The following SIAH3 variants were observed in gnomAD, a reference collection of about 807,000 sequenced individuals.
SIAH3 encodes the protein siah E3 ubiquitin protein ligase family member 3.
In SIAH3, 9 loss-of-function variants were observed where a neutral mutation model predicts 12.6. The ratio of observed to expected loss-of-function variants is 0.72; its 90% CI spans 0.43 to 1.25. The LOEUF is 1.25. Ranked by LOEUF, SIAH3 falls within the 50% of genes most tolerant of loss-of-function variation. The probability of loss-of-function intolerance (pLI) is 0.00; values close to 1 mark genes in which losing one functional copy is unlikely to be tolerated. For synonymous variants in SIAH3, 154 were observed against 151.1 expected, an observed-to-expected ratio of 1.02 and a Z score of -0.14; for missense variants, 390 against 365.4, an observed-to-expected ratio of 1.07 and a Z score of -0.55.
chr13:45,794,978 G>A (rs965667719), intron 1 of SIAH3, among the ~76,000 whole-genome samples: 1 of 147,962 alleles, frequency 6.8e-6, no homozygotes, highest in Non-Finnish European at 1.5e-5. Flanking sequence ...ATCTTGCCAA[G>A]TAAGTTTCTA....
intron 1 of SIAH3, among the ~76,000 whole-genome samples, chr13:45,825,225 T>C (rs886535667): frequency 6.6e-6 from 1 of 152,204 alleles, no homozygotes; most frequent in Non-Finnish European, 1.5e-5. Flanking sequence ...TAATAATTCC[T>C]GGGCGTTTTG....
At chr13:45,790,602 G>T (rs1463529011) in intron 1 of SIAH3, among the ~76,000 whole-genome samples, 3 of 152,320 alleles carry the variant, frequency 2.0e-5, no homozygotes, top group South Asian at 2.1e-4. Flanking sequence ...GGGACTAATT[G>T]TTCGTGTGTC....
At chr13:45,790,435 C>T (rs1286499183) in intron 1 of SIAH3, among the ~76,000 whole-genome samples, 10 of 152,120 alleles carry the variant, frequency 6.6e-5, no homozygotes, top group Admixed American at 6.6e-4. Context: ...AACATATTTG[C>T]CAGCCACAAG....
At chr13:45,784,811 G>A (rs191672941) in intron 1 of SIAH3, among the ~76,000 whole-genome samples, 78 of 152,216 alleles carry the variant, frequency 5.1e-4, no homozygotes, top group African/African-American at 1.8e-3. Flanking sequence ...GCCCACAAGT[G>A]CCCCCCAAAA....
intron 1 of SIAH3, among the ~76,000 whole-genome samples, chr13:45,810,561 G>A (rs1427813383): frequency 1.3e-5 from 2 of 152,154 alleles, no homozygotes; most frequent in Non-Finnish European, 2.9e-5. Context: ...CATGTAGACT[G>A]GAATTTTGTC....
At chr13:45,840,701 C>T (rs1158077892) in intron 1 of SIAH3, among the ~76,000 whole-genome samples, 1 of 152,176 alleles carries the variant, frequency 6.6e-6, no homozygotes, top group African/African-American at 2.4e-5. Flanking sequence ...TTTATACACA[C>T]AGAATGAATA....
chr13:45,842,922 C>G (rs1566098495), intron 1 of SIAH3, among the ~76,000 whole-genome samples: 1 of 152,088 alleles, frequency 6.6e-6, no homozygotes, highest in Admixed American at 6.5e-5. Context: ...GTGCTGGGGA[C>G]CAGTATTCCG....
intron 1 of SIAH3, among the ~76,000 whole-genome samples, chr13:45,827,342 G>A (rs1054232410): frequency 6.6e-6 from 1 of 152,216 alleles, no homozygotes; most frequent in Non-Finnish European, 1.5e-5. Context: ...GAGAAGAGGA[G>A]ACAGGCCAAT....
chr13:45,795,043 A>G (rs2137554092), intron 1 of SIAH3, among the ~76,000 whole-genome samples: 1 of 150,732 alleles, frequency 6.6e-6, no homozygotes, highest in East Asian at 1.9e-4. Context: ...ACTTATTTTG[A>G]TCTTTCCATA....
intron 1 of SIAH3, among the ~76,000 whole-genome samples, chr13:45,823,419 T>A (rs956748601): frequency 2.6e-5 from 4 of 152,228 alleles, no homozygotes; most frequent in Admixed American, 2.0e-4. Flanking sequence ...GCAAGGCAAG[T>A]CTGCCCTATT....
intron 1 of SIAH3, among the ~76,000 whole-genome samples, chr13:45,785,750 T>C (rs1034789866): frequency 6.6e-6 from 1 of 152,122 alleles, no homozygotes; most frequent in African/African-American, 2.4e-5. Flanking sequence ...CAGGGGCTCT[T>C]CCAGTAGCGC....
intron 1 of SIAH3, among the ~76,000 whole-genome samples, chr13:45,815,754 G>A (rs1411026561): frequency 6.6e-6 from 1 of 152,098 alleles, no homozygotes; most frequent in Non-Finnish European, 1.5e-5. Context: ...AGGAAAATGC[G>A]AAACAAAACA....
At chr13:45,810,709 T>C (rs775700921) in intron 1 of SIAH3, among the ~76,000 whole-genome samples, 32 of 152,180 alleles carry the variant, frequency 2.1e-4, no homozygotes, top group Non-Finnish European at 3.8e-4. Context: ...TTTGAAGAAA[T>C]TCTACTGCTA....
At chr13:45,840,368 T>G (rs534125114) in intron 1 of SIAH3, among the ~76,000 whole-genome samples, 2 of 152,360 alleles carry the variant, frequency 1.3e-5, no homozygotes, top group African/African-American at 2.4e-5. Context: ...AAACTGGAAA[T>G]AGACTAATGA....
intron 1 of SIAH3, among the ~76,000 whole-genome samples, chr13:45,816,175 C>G (rs1051053852): frequency 1.3e-5 from 2 of 152,254 alleles, no homozygotes; most frequent in African/African-American, 4.8e-5. Flanking sequence ...CCTGAAGGAG[C>G]TGACGTCAAA....
chr13:45,841,912 C>T (rs905471753), intron 1 of SIAH3, among the ~76,000 whole-genome samples: 5 of 152,176 alleles, frequency 3.3e-5, no homozygotes, highest in African/African-American at 2.4e-5. Flanking sequence ...GAGAACAAGA[C>T]CCCTCTGGGA....
At chr13:45,828,484 T>C (rs1950686792) in intron 1 of SIAH3, among the ~76,000 whole-genome samples, 1 of 152,180 alleles carries the variant, frequency 6.6e-6, no homozygotes, top group African/African-American at 2.4e-5. Context: ...GAAGTTGCAT[T>C]TTGGGAACAG....
chr13:45,809,804 A>G (rs1423144443), intron 1 of SIAH3, among the ~76,000 whole-genome samples: 2 of 152,228 alleles, frequency 1.3e-5, no homozygotes, highest in African/African-American at 2.4e-5. Context: ...GTGGCTTTCC[A>G]TATTTTACAG....
At position 45,797,156 on chromosome 13, in the gene SIAH3, T is replaced by C. The variant is rs1950565791; in HGVS notation, c.136-13099A>G. 2.0e-5 allele frequency among the ~76,000 whole-genome samples: 3 copies of C among 152,306 alleles called. No homozygotes were observed. The South Asian group carries it at 6.2e-4, about 32-fold the overall frequency. ...ATCGTCTCTATGCAGGTTTTTTTTT[T>C]TTTTTAACACAATTCACCATGACTA... On this transcript the variant is annotated intron_variant, in intron 1 of 1. Transcript: ENST00000400405.
Sources: allele counts gnomAD v4.1 joint callset (sites outside exome capture counted in the v4.1 genomes callset), GRCh38; gene constraint gnomAD v4.1.1; transcripts MANE v1.5; gene names NCBI Gene and HGNC (gene_info 2026-07-23, HGNC 2026-07-21).